Variants in GNB3 observed in about 807,000 individuals in gnomAD.
The protein encoded by GNB3 is G protein subunit beta 3.
GNB3 carries 33 observed loss-of-function variants against 41.2 expected under a neutral mutation model. The ratio of observed to expected loss-of-function variants is 0.80; its 90% confidence interval spans 0.61 to 1.07. GNB3 has a LOEUF of 1.07. GNB3 is among the 50% of genes least tolerant of loss of function. The pLI, the probability that GNB3 is intolerant of heterozygous loss-of-function variation, is 0.00. For missense variants in GNB3, 409 were observed against 455.3 expected, an observed-to-expected ratio of 0.90 and a Z score of 0.92; for synonymous variants, 172 against 173.4, an observed-to-expected ratio of 0.99 and a Z score of 0.06.
intron 9 of GNB3, chr12:6,846,054 A>G (rs1555124647): frequency 3.9e-6 from 2 of 506,780 alleles, no homozygotes; most frequent in African/African-American, 3.8e-5. Context: ...AGATCTGTGG[A>G]CCATGACTGT....
chr12:6,842,368 G>C (rs1225119069), intron 3 of GNB3, among the ~76,000 whole-genome samples: 3 of 152,122 alleles, frequency 2.0e-5, no homozygotes, highest in Non-Finnish European at 4.4e-5. Flanking sequence ...GGGCAACATA[G>C]TGAGATCTCT....
chr12:6,845,543 G>A (rs1555124430), intron 8 of GNB3, 43 bp from the exon 9 acceptor site: 2 of 1,397,732 alleles, frequency 1.4e-6, no homozygotes, highest in Admixed American at 1.7e-5. Context: ...GCTGTGGGCT[G>A]CCCAGGTCTG....
intron 3 of GNB3, among the ~76,000 whole-genome samples, chr12:6,842,705 G>A (rs1408680420): frequency 4.6e-5 from 7 of 152,164 alleles, no homozygotes; most frequent in African/African-American, 1.4e-4. Context: ...GCAAGTATTC[G>A]TATCGTGGAA....
chr12:6,841,676 C>A (rs369355183), intron 3 of GNB3, 52 bp downstream of exon 3: 9 of 1,363,398 alleles, frequency 6.6e-6, no homozygotes, highest in African/African-American at 1.4e-5. Context: ...GGGAAGGGAG[C>A]TCCCCGACCC....
In GNB3 at chr12:6,847,103, A is replaced by G. The variant is rs936831194; in HGVS notation, c.*205A>G. ...GCAAAGAACTGCCCCATCTCCTCCCATGGCCTTCCCTCCCCACAGTCCTCA... is the reference window on the plus strand; with the variant it reads ...GCAAAGAACTGCCCCATCTCCTCCCGTGGCCTTCCCTCCCCACAGTCCTCA... On this transcript the variant is annotated 3_prime_UTR_variant, in exon 10 of 10. Transcript: ENST00000229264. 6 of 557,112 alleles carry G rather than the reference A, an allele frequency of 1.1e-5. No homozygotes were observed. Among genetic ancestry groups the G allele is most frequent in the Admixed American group, 6.1e-5 (2 of 32,700 alleles). The allele number at this position is 557,112 out of a possible 1,614,324, so 34.5% of individuals were successfully genotyped here. A position where few individuals can be genotyped will look rare whatever the true frequency, so the allele number is the denominator to read the frequency against.
rs1555124870 is a variant in GNB3, at chr12:6,846,890, T to G, written c.1015T>G (p.Trp339Gly). ...TGSWDSFLKI[W>G]N is the part of the protein sequence containing the mutation. ...TTCCTGGGACAGCTTCCTCAAAATC[T>G]GGAACTGAGGAGGCTGGAGAAAGGG... Residue 339 changes from tryptophan to glycine, a missense_variant, in exon 10 of 10, where the codon TGG becomes GGG. Coordinates refer to ENST00000229264, the MANE Select transcript of GNB3 (RefSeq NM_002075.4). 2 of 1,575,598 alleles carry G rather than the reference T, an allele frequency of 1.3e-6. No individual in the cohort carries two copies. Among genetic ancestry groups the G allele is most frequent in the East Asian group, 2.3e-5 (1 of 44,008 alleles).
At position 6,843,047 on chromosome 12, in the gene GNB3, T is replaced by G. The variant is rs369522214; in HGVS notation, c.174T>G (p.Ile58Met). 3 of 1,590,338 alleles carry G rather than the reference T, an allele frequency of 1.9e-6. No individual in the cohort carries two copies. In the African/African-American group the frequency reaches 4.0e-5, roughly 21 times the overall value. ...CGTTAAGGGGACACCTGGCCAAGAT[T>G]TACGCCATGCACTGGGCCACTGATT... ...RRTLRGHLAK[I>M]YAMHWATDSK... is the part of the protein sequence containing the mutation. Residue 58 changes from isoleucine to methionine, a missense_variant, in exon 4 of 10, where the codon ATT becomes ATG. Coordinates refer to ENST00000229264, the MANE Select transcript of GNB3 (RefSeq NM_002075.4). The surrounding 1 kb of genome is among the most constrained non-coding windows in gnomAD (Gnocchi z 5.9).
At chr12:6,844,248 T>C (rs1201699613) in intron 8 of GNB3, among the ~76,000 whole-genome samples, 3 of 149,792 alleles carry the variant, frequency 2.0e-5, no homozygotes, top group African/African-American at 7.4e-5. Context: ...ATTACAGGTG[T>C]GCGCCACCAT....
Position 6,843,011 on chromosome 12 carries a change from G to T in GNB3, c.138G>T (p.Arg46=). ...AGGTGGTGGGACGAGTCCAGATGCG[G>T]ACGCGGCGGACGTTAAGGGGACACC... ...GLEVVGRVQM[R]TRRTLRGHLA... The change falls in exon 4 of 10, where the codon CGG becomes CGT. Residue 46 remains arginine (R), a synonymous_variant. Coordinates refer to ENST00000229264, the MANE Select transcript of GNB3 (RefSeq NM_002075.4). This position sits in a 1 kb window ranked among gnomAD's most constrained non-coding sequence, Gnocchi z 5.9. The T allele has an allele frequency of 6.4e-7, 1 of 1,563,790 alleles. No individual in the cohort carries two copies. Among genetic ancestry groups the T allele is most frequent in the Non-Finnish European group, 8.7e-7 (1 of 1,149,848 alleles).
intron 9 of GNB3, chr12:6,846,062 T>G: frequency 2.1e-6 from 1 of 482,258 alleles, no homozygotes; most frequent in Non-Finnish European, 3.8e-6. Context: ...GGACCATGAC[T>G]GTCCAGTCAG....
At position 6,846,933 on chromosome 12, in the gene GNB3, C is replaced by T. The variant is rs1417499908; in HGVS notation, c.*35C>T. ...AGAAAGGGAAGTGGAAGGCAGTGAACACACTCAGCAGCCCCCTGCCCGACC... is the reference window on the plus strand; with the variant it reads ...AGAAAGGGAAGTGGAAGGCAGTGAATACACTCAGCAGCCCCCTGCCCGACC... On this transcript the variant is annotated 3_prime_UTR_variant, in exon 10 of 10. Transcript: ENST00000229264. The T allele has an allele frequency of 2.5e-6, 3 of 1,206,094 alleles. No homozygotes were observed. The highest frequency in any genetic ancestry group is 1.5e-5 in the African/African-American group (1 of 66,910). The allele number at this position is 1,206,094 out of a possible 1,614,324, so 74.7% of individuals were successfully genotyped here. A position where few individuals can be genotyped will look rare whatever the true frequency, so the allele number is the denominator to read the frequency against.
rs1555123405 is a variant in GNB3, at chr12:6,841,638, T to A, written c.96+14T>A. ...ACTCTGGCAGAGGTAAGACCCCCTG[T>A]CCCCCGGAAGGCAGGGCATGGGGGG... is the stretch of plus-strand genomic sequence containing the variant. On this transcript the variant is annotated intron_variant, in intron 3 of 9. Coordinates refer to ENST00000229264, the MANE Select transcript of GNB3 (RefSeq NM_002075.4). The A allele has an allele frequency of 1.2e-6, 2 of 1,605,072 alleles. No homozygotes were observed. The highest frequency in any genetic ancestry group is 1.7e-5 in the Admixed American group (1 of 59,792).
At position 6,841,310 on chromosome 12, in the gene GNB3, G is replaced by A. The variant is rs199531660; in HGVS notation, c.23G>A (p.Arg8His). ...GCCATGGGGGAGATGGAGCAACTGC[G>A]TCAGGAAGCGGAGCAGCTCAAGAAG... is the stretch of plus-strand genomic sequence containing the variant. MGEMEQL[R>H]QEAEQLKKQI... The change falls in exon 2 of 10, where the codon CGT becomes CAT. Residue 8 changes from arginine to histidine, a missense_variant. By Grantham distance (29) the Arg-to-His change is conservative (BLOSUM62 0). Coordinates refer to ENST00000229264, the MANE Select transcript of GNB3 (RefSeq NM_002075.4). The A allele has an allele frequency of 1.4e-4, 218 of 1,613,572 alleles. No homozygotes were observed. Among genetic ancestry groups the A allele is most frequent in the Non-Finnish European group, 1.7e-4 (202 of 1,179,750 alleles).
chr12:6,841,209 G>A, intron 1 of GNB3, 49 bp from the exon 2 acceptor site: 3 of 1,227,658 alleles, frequency 2.4e-6, no homozygotes, highest in Non-Finnish European at 3.5e-6. Flanking sequence ...AAGGGCAGAA[G>A]CACAGCCTGG....
intron 9 of GNB3, 85 bp from the exon 10 acceptor site, chr12:6,846,707 A>ACACG: frequency 1.4e-6 from 1 of 733,564 alleles, no homozygotes; most frequent in Non-Finnish European, 2.4e-6. Flanking sequence ...ACACCCACAC[A>ACACG]CCCACACATA....
chr12:6,841,407 C>T, intron 2 of GNB3, 63 bp downstream of exon 2: 1 of 1,452,058 alleles, frequency 6.9e-7, no homozygotes, highest in Non-Finnish European at 9.6e-7. Flanking sequence ...GAGCGTGGCC[C>T]AGGGGGAGGG....
rs782457409 is a variant in GNB3, at chr12:6,843,119, G to T, written c.203+43G>T. 3 of 1,605,122 alleles carry T rather than the reference G, an allele frequency of 1.9e-6. No individual in the cohort carries two copies. Among genetic ancestry groups the T allele is most frequent in the Non-Finnish European group, 1.7e-6 (2 of 1,171,946 alleles). On this transcript the variant is annotated intron_variant, in intron 4 of 9. Transcript: ENST00000229264. This position sits in a 1 kb window ranked among gnomAD's most constrained non-coding sequence, Gnocchi z 5.9. ...ACCGAGAATGGGAGGGTGAGAGCGGGAGTGAGGAAGGCGGGAAGGGGAGGC... is the reference window on the plus strand; with the variant it reads ...ACCGAGAATGGGAGGGTGAGAGCGGTAGTGAGGAAGGCGGGAAGGGGAGGC...
In GNB3 at chr12:6,841,041, G is replaced by T; in HGVS notation, c.-31+8G>T. 1 of 557,638 alleles carries T rather than the reference G, an allele frequency of 1.8e-6. No individual in the cohort carries two copies. The highest frequency in any genetic ancestry group is 3.2e-6 in the Non-Finnish European group (1 of 314,492). 34.5% of individuals were successfully genotyped at this position (557,638 alleles called of 1,614,324 possible). A position where few individuals can be genotyped will look rare whatever the true frequency, so the allele number is the denominator to read the frequency against. The stretch of plus-strand genomic sequence containing the variant: ...GGTCCAGCCAGAGCCCAAGTAAGAG[G>T]GAGCTGGCCTGGGCTCTGCTCTCCT... On this transcript the variant is annotated splice_region_variant and intron_variant, in intron 1 of 9. Transcript: ENST00000229264.
intron 9 of GNB3, 122 bp downstream of exon 9, chr12:6,845,924 G>C: frequency 1.4e-6 from 1 of 705,802 alleles, no homozygotes; most frequent in Non-Finnish European, 2.5e-6. Context: ...CCTTGTCACT[G>C]GGTGACTCCA....
Sources: allele counts gnomAD v4.1 joint callset (sites outside exome capture counted in the v4.1 genomes callset), GRCh38; gene constraint gnomAD v4.1.1; non-coding constraint Gnocchi (gnomAD v3.1); transcripts MANE v1.5; gene names NCBI Gene and HGNC (gene_info 2026-07-23, HGNC 2026-07-21).